Variants in SUGCT observed in about 807,000 individuals in gnomAD.
The protein encoded by SUGCT is succinyl-CoA:glutarate CoA-transferase.
A neutral mutation model predicts 55.0 loss-of-function variants in SUGCT; 41 were observed. That is an observed-to-expected ratio of 0.74 (90% CI 0.58 to 0.97). The LOEUF is 0.97. Among genes scored for constraint, SUGCT ranks in the 50% least tolerant of loss-of-function variants. SUGCT has a pLI of 0.00. For synonymous variants in SUGCT, 187 were observed against 200.4 expected (o/e 0.93, Z 0.56); for missense variants, 568 against 547.8 (o/e 1.04, Z -0.37).
At chr7:40,865,480 G>C (rs2128811971), downstream of SUGCT, among the ~76,000 whole-genome samples, 1 of 152,248 alleles carries the variant, frequency 6.6e-6, no homozygotes, top group South Asian at 2.1e-4. Context: ...GAGTTCTCAG[G>C]CTCTCTGGCT....
intron 12 of SUGCT, among the ~76,000 whole-genome samples, chr7:40,647,877 A>C (rs934461988): frequency 1.3e-5 from 2 of 152,174 alleles, no homozygotes; most frequent in East Asian, 3.9e-4. Flanking sequence ...ACCAAGTAGG[A>C]GATCCTGACT....
rs1338885686 is a variant in SUGCT at position 40,847,407 on chromosome 7, C to CTTTTTTTTTTTTTTTT, written c.1154-12906_1154-12905insTTTTTTTTTTTTTTTT. Among the ~76,000 whole-genome samples, 13 of 117,886 alleles carry CTTTTTTTTTTTTTTTT rather than the reference C, an allele frequency of 1.1e-4. 1 individual carries two copies. The East Asian group carries it at 1.5e-3, about 13-fold the overall frequency. The allele number at this position is 117,886 out of a possible 152,430, so 77.3% of individuals were successfully genotyped here. On this transcript the variant is annotated intron_variant, in intron 13 of 13. Transcript: ENST00000335693. ...GATGACATATACATTTCTTTTCTTT[C>CTTTTTTTTTTTTTTTT]TTTCTTTTTTTTTTTTTTTTTTTTT...
chr7:40,286,873 T>C (rs1011708245), intron 8 of SUGCT, among the ~76,000 whole-genome samples: 2 of 152,122 alleles, frequency 1.3e-5, no homozygotes, highest in Admixed American at 6.6e-5. Flanking sequence ...GGCAGGACAT[T>C]GGGCCAAGCC....
chr7:40,241,608 T>C (rs1163971896), intron 7 of SUGCT, among the ~76,000 whole-genome samples: 2 of 147,424 alleles, frequency 1.4e-5, no homozygotes, highest in African/African-American at 2.5e-5. Context: ...AAAAGTATAC[T>C]GTAGGGAAAA....
chr7:40,795,518 A>G (rs548498957), intron 13 of SUGCT, among the ~76,000 whole-genome samples: 4 of 152,302 alleles, frequency 2.6e-5, no homozygotes, highest in Admixed American at 1.3e-4. Flanking sequence ...GTTCTTCAAG[A>G]AAAATAAAAT....
intron 12 of SUGCT, among the ~76,000 whole-genome samples, chr7:40,653,503 A>G (rs189252234): frequency 9.8e-4 from 149 of 152,286 alleles, no homozygotes; most frequent in African/African-American, 3.2e-3. Flanking sequence ...CAACCCTCCT[A>G]TCAGGAAAAA....
intron 12 of SUGCT, among the ~76,000 whole-genome samples, chr7:40,669,450 A>G (rs892804681): frequency 1.3e-5 from 2 of 151,918 alleles, no homozygotes; most frequent in Admixed American, 6.6e-5. Flanking sequence ...AGATGCTAGA[A>G]TTATATGACA....
chr7:40,427,064 C>T (rs1264149074), intron 9 of SUGCT, among the ~76,000 whole-genome samples: 1 of 152,126 alleles, frequency 6.6e-6, no homozygotes, highest in Non-Finnish European at 1.5e-5. Context: ...CCTGCCTCAG[C>T]CTTCTAAAGC....
chr7:40,634,110 A>G lies in SUGCT; in HGVS notation c.1090-115324A>G, dbSNP rs542469239. ...AACACAAAGCAGGGAGTGCCTCTCC[A>G]TCTACTTGGAACACAGAGAGTTGGA... On this transcript the variant is annotated intron_variant, in intron 12 of 13. Transcript: ENST00000335693. Among the ~76,000 whole-genome samples, 20 of 152,294 alleles carry G rather than the reference A, an allele frequency of 1.3e-4. No individual in the cohort carries two copies. In the South Asian group the frequency reaches 2.5e-3, roughly 19 times the overall value.
chr7:40,246,506 C>T (rs1241396496), intron 7 of SUGCT, among the ~76,000 whole-genome samples: 1 of 152,022 alleles, frequency 6.6e-6, no homozygotes, highest in Non-Finnish European at 1.5e-5. Context: ...TTGCCTTGGC[C>T]TCCCAAAGTG....
chr7:40,368,632 CCT>C (rs1371946669), intron 9 of SUGCT, among the ~76,000 whole-genome samples: 1 of 152,286 alleles, frequency 6.6e-6, no homozygotes, highest in African/African-American at 2.4e-5. Flanking sequence ...TGAACGTATA[CCT>C]AGGTCTGAAA....
At chr7:40,935,664 G>C in the SUGCT span, among the ~76,000 whole-genome samples, 1 of 152,012 alleles carries the variant, frequency 6.6e-6, no homozygotes, top group Non-Finnish European at 1.5e-5. Flanking sequence ...AAATGTTGTT[G>C]GTCCCAATAA....
At chr7:41,024,887 C>T in the SUGCT span, among the ~76,000 whole-genome samples, 6 of 152,172 alleles carry the variant, frequency 3.9e-5, no homozygotes, top group East Asian at 5.8e-4. Context: ...GCACATTGTT[C>T]GTTAAAAAAT....
At chr7:40,492,865 A>C (rs914070322) in intron 11 of SUGCT, among the ~76,000 whole-genome samples, 4 of 152,150 alleles carry the variant, frequency 2.6e-5, no homozygotes, top group African/African-American at 9.7e-5. Context: ...TGTGTTCTCC[A>C]TTAGACTATA....
At chr7:40,314,208 T>G (rs1306227748) in intron 8 of SUGCT, among the ~76,000 whole-genome samples, 2 of 152,192 alleles carry the variant, frequency 1.3e-5, no homozygotes, top group African/African-American at 4.8e-5. Context: ...GGCAACTATC[T>G]TAGATCAATT....
At chr7:40,308,585 T>C (rs1794960326) in intron 8 of SUGCT, among the ~76,000 whole-genome samples, 1 of 152,198 alleles carries the variant, frequency 6.6e-6, no homozygotes, top group Admixed American at 6.5e-5. Context: ...TACACTTTCC[T>C]GACCTCATCT....
chr7:40,691,989 G>A (rs1784721023), intron 12 of SUGCT, among the ~76,000 whole-genome samples: 1 of 152,080 alleles, frequency 6.6e-6, no homozygotes, highest in African/African-American at 2.4e-5. Context: ...GTTCATGGAG[G>A]TCTTGCCATA....
intron 3 of SUGCT, among the ~76,000 whole-genome samples, chr7:40,185,454 T>C (rs1785447152): frequency 6.6e-6 from 1 of 152,216 alleles, no homozygotes; most frequent in African/African-American, 2.4e-5. Context: ...AGATCTTTCT[T>C]TGTCTAGGCC....
intron 12 of SUGCT, among the ~76,000 whole-genome samples, chr7:40,530,753 T>C (rs1156975236): frequency 6.6e-6 from 1 of 152,238 alleles, no homozygotes; most frequent in East Asian, 1.9e-4. Flanking sequence ...GGTTTAAATT[T>C]TAGATTCAGC....
Sources: allele counts gnomAD v4.1 joint callset (sites outside exome capture counted in the v4.1 genomes callset), GRCh38; gene constraint gnomAD v4.1.1; transcripts MANE v1.5; gene names NCBI Gene and HGNC (gene_info 2026-07-23, HGNC 2026-07-21).